The following WIPF2 variants were observed in gnomAD, a reference collection of about 807,000 sequenced individuals.
WIPF2 encodes WAS/WASL interacting protein family member 2.
Under a neutral mutation model 38.8 loss-of-function variants are expected in WIPF2, and 23 were observed. The ratio of observed to expected loss-of-function variants is 0.59; its 90% CI spans 0.43 to 0.84. The LOEUF (loss-of-function observed/expected upper bound fraction) is 0.84, where lower values mean the gene tolerates loss of function less well. Ranked by LOEUF, WIPF2 falls within the 40% of genes least tolerant of loss-of-function variation. The pLI, the probability that WIPF2 is intolerant of heterozygous loss-of-function variation, is 0.00. For missense variants in WIPF2, 574 were observed against 580.5 expected (o/e 0.99, Z 0.11); for synonymous variants, 210 against 223.2 (o/e 0.94, Z 0.53).
chr17:40,252,245 A>G (rs1303858092), intron 1 of WIPF2, among the ~76,000 whole-genome samples: 1 of 152,208 alleles, frequency 6.6e-6, no homozygotes, highest in Non-Finnish European at 1.5e-5. Context: ...TTAGGTCATT[A>G]TTCACCTTGT....
intron 3 of WIPF2, among the ~76,000 whole-genome samples, chr17:40,262,144 G>A (rs1271664082): frequency 6.8e-6 from 1 of 147,240 alleles, no homozygotes; most frequent in South Asian, 2.1e-4. Context: ...GCAGTGGTAC[G>A]ATCACAGTTC....
In WIPF2 at chr17:40,219,419, CG is replaced by C; in HGVS notation, c.-137del. The C allele has an allele frequency of 1.6e-5, 6 of 382,472 alleles. No homozygotes were observed. The highest frequency in any genetic ancestry group is 4.2e-5 in the Admixed American group (1 of 23,786). The allele number at this position is 382,472 out of a possible 1,614,324, so 23.7% of individuals were successfully genotyped here. On this transcript the variant is annotated 5_prime_UTR_variant, in exon 1 of 8. Transcript: ENST00000323571. Reference sequence around the variant, plus strand: ...GCGGCGACGGCGAGAAAGAGCTTGCCGGGGGGCGAGCAGGACAGGACGAAGC... The same window carrying C: ...GCGGCGACGGCGAGAAAGAGCTTGCCGGGGGCGAGCAGGACAGGACGAAGC...
At chr17:40,240,674 G>T (rs1487856648) in intron 1 of WIPF2, among the ~76,000 whole-genome samples, 8 of 151,806 alleles carry the variant, frequency 5.3e-5, no homozygotes, top group Non-Finnish European at 1.2e-4. Flanking sequence ...GCCAGGCACG[G>T]TATCTCACGC....
At chr17:40,240,698 A>G (rs2031158860) in intron 1 of WIPF2, among the ~76,000 whole-genome samples, 1 of 151,884 alleles carries the variant, frequency 6.6e-6, no homozygotes, top group Non-Finnish European at 1.5e-5. Context: ...TAATCCCGGC[A>G]TTTTGGGAGG....
intron 1 of WIPF2, among the ~76,000 whole-genome samples, chr17:40,222,905 A>G (rs945085141): frequency 1.8e-4 from 27 of 148,698 alleles, no homozygotes; most frequent in African/African-American, 6.7e-4. Context: ...TCCTGACTTC[A>G]GGTGATCCAC....
intron 5 of WIPF2, among the ~76,000 whole-genome samples, chr17:40,269,260 C>T (rs1008786672): frequency 4.6e-5 from 7 of 152,090 alleles, no homozygotes; most frequent in Non-Finnish European, 7.4e-5. Context: ...ATTGTGGTTG[C>T]AGTGAGCTAA....
intron 5 of WIPF2, among the ~76,000 whole-genome samples, chr17:40,268,784 C>T (rs1002457665): frequency 1.2e-4 from 18 of 152,120 alleles, no homozygotes; most frequent in African/African-American, 3.9e-4. Flanking sequence ...ATATTTTAGT[C>T]AGAGATCATT....
At chr17:40,239,103 G>T (rs1043251473) in intron 1 of WIPF2, among the ~76,000 whole-genome samples, 1 of 146,352 alleles carries the variant, frequency 6.8e-6, no homozygotes, top group Non-Finnish European at 1.5e-5. Flanking sequence ...ACGGAGTCTC[G>T]CTCTGTCGCC....
chr17:40,220,693 C>T (rs1040224509), intron 1 of WIPF2, among the ~76,000 whole-genome samples: 1 of 144,046 alleles, frequency 6.9e-6, no homozygotes, highest in South Asian at 2.2e-4. Context: ...GTCTGGAATT[C>T]CTGGGCTCAA....
chr17:40,263,529 T>G (rs558451738), intron 4 of WIPF2, among the ~76,000 whole-genome samples: 2 of 147,276 alleles, frequency 1.4e-5, no homozygotes, highest in Non-Finnish European at 1.5e-5. Flanking sequence ...TTTATTTTAT[T>G]TTATTTTATT....
chr17:40,244,574 C>T (rs376245401), intron 1 of WIPF2, among the ~76,000 whole-genome samples: 5 of 152,094 alleles, frequency 3.3e-5, no homozygotes, highest in South Asian at 2.1e-4. Flanking sequence ...ATGAGATAAC[C>T]GATCGAACTT....
chr17:40,249,864 G>T (rs925744974), intron 1 of WIPF2, among the ~76,000 whole-genome samples: 2 of 146,360 alleles, frequency 1.4e-5, no homozygotes, highest in Non-Finnish European at 3.0e-5. Flanking sequence ...ATGGAGTCTC[G>T]CACTGTCACC....
chr17:40,243,668 C>T (rs2031266561), intron 1 of WIPF2, among the ~76,000 whole-genome samples: 1 of 151,936 alleles, frequency 6.6e-6, no homozygotes, highest in South Asian at 2.1e-4. Flanking sequence ...CATACGCCAC[C>T]ACACCCGGCT....
At chr17:40,275,261 A>ACAAAACC (rs2032364194) in intron 6 of WIPF2, among the ~76,000 whole-genome samples, 1 of 148,578 alleles carries the variant, frequency 6.7e-6, no homozygotes, top group South Asian at 2.1e-4. Flanking sequence ...AAAAAAAAAA[A>ACAAAACC]CAAAACCCAA....
rs1331633708 is a variant in WIPF2 at position 40,282,104 on chromosome 17, C to T, written c.*3879C>T. 7.4e-6 allele frequency: 1 copy of T among 135,492 alleles called. No homozygotes were observed. The highest frequency in any genetic ancestry group is 1.5e-5 in the Non-Finnish European group (1 of 64,990). The allele number at this position is 135,492 out of a possible 1,614,324, so 8.4% of individuals were successfully genotyped here. A position where few individuals can be genotyped will look rare whatever the true frequency, so the allele number is the denominator to read the frequency against. On this transcript the variant is annotated 3_prime_UTR_variant, in exon 8 of 8. Coordinates refer to ENST00000323571, the MANE Select transcript of WIPF2 (RefSeq NM_133264.5). ...AACAAAACTACAACCACCATCAAAA[C>T]CACACGCAAAAAAAAAAAAAAAAAA...
rs2032528476 is a variant in WIPF2 at position 40,280,698 on chromosome 17, T to C, written c.*2473T>C. 1 of 152,244 alleles carries C rather than the reference T, an allele frequency of 6.6e-6. No homozygotes were observed. Among genetic ancestry groups the C allele is most frequent in the African/African-American group, 2.4e-5 (1 of 41,330 alleles). The allele number at this position is 152,244 out of a possible 1,614,324, so 9.4% of individuals were successfully genotyped here. ...TACTCAGACATAGAGCATCAAAATA[T>C]CACGAGTAAAGCCAAACCCCAGCTT... On this transcript the variant is annotated 3_prime_UTR_variant, in exon 8 of 8. Coordinates refer to ENST00000323571, the MANE Select transcript of WIPF2 (RefSeq NM_133264.5).
At chr17:40,269,038 G>C (rs987190159) in intron 5 of WIPF2, among the ~76,000 whole-genome samples, 2 of 152,018 alleles carry the variant, frequency 1.3e-5, no homozygotes, top group African/African-American at 4.8e-5. Flanking sequence ...AAAAAACTAG[G>C]CCGGGTGCAG....
rs375800377 is a variant in WIPF2 at position 40,229,268 on chromosome 17, C to T, written c.-70+9776C>T. 5.4e-4 allele frequency among the ~76,000 whole-genome samples: 82 copies of T among 151,246 alleles called. 1 individual carries two copies. The South Asian group carries it at 0.016, about 30-fold the overall frequency. ...CTAGGATTACAGGCATGCATCACCA[C>T]GCCCGGCTAATTTTGTATTTTTAGT... On this transcript the variant is annotated intron_variant, in intron 1 of 7. Coordinates refer to ENST00000323571, the MANE Select transcript of WIPF2 (RefSeq NM_133264.5).
rs1267135833 is a variant in WIPF2 at position 40,281,956 on chromosome 17, C to T, written c.*3731C>T. On this transcript the variant is annotated 3_prime_UTR_variant, in exon 8 of 8. Coordinates refer to ENST00000323571, the MANE Select transcript of WIPF2 (RefSeq NM_133264.5). ...CAGTCTTTCTTTCCCCATTGAATCT[C>T]AGTCCCTGGCCATGTGGTCAAGGTG... 6.6e-6 allele frequency: 1 copy of T among 152,426 alleles called. No individual in the cohort carries two copies. The highest frequency in any genetic ancestry group is 2.4e-5 in the African/African-American group (1 of 41,368). 9.4% of individuals were successfully genotyped at this position (152,426 alleles called of 1,614,324 possible).
Sources: allele counts gnomAD v4.1 joint callset (sites outside exome capture counted in the v4.1 genomes callset), GRCh38; gene constraint gnomAD v4.1.1; transcripts MANE v1.5; gene names NCBI Gene and HGNC (gene_info 2026-07-23, HGNC 2026-07-21).